LATS2: variants seen among roughly 807,000 people sequenced by gnomAD.
The protein encoded by LATS2 is serine/threonine-protein kinase LATS2.
LATS2 carries 24 observed loss-of-function variants against 76.0 expected under a neutral mutation model. The observed-to-expected ratio is 0.32, with a 90% CI of 0.23 to 0.44. The LOEUF (loss-of-function observed/expected upper bound fraction) is 0.44. LATS2 is among the 20% of genes least tolerant of loss of function. The pLI is 1.00. For synonymous variants in LATS2, 692 were observed against 635.4 expected (o/e 1.09, Z -1.34); for missense variants, 1,286 against 1,481.2 (o/e 0.87, Z 2.16).
intron 2 of LATS2, among the ~76,000 whole-genome samples, chr13:21,023,495 C>CCTCTGTTCTCGAGGCGGGGCCAGGACT (rs1303875118): frequency 1.3e-3 from 197 of 152,010 alleles, no homozygotes; most frequent in African/African-American, 4.4e-3. Context: ...CCGTCCTTGG[C>CCTCTGTTCTCGAGGCGGGGCCAGGACT]CTCTGTTCTC....
chr13:20,974,025 CA>C lies in LATS2; in HGVS notation c.*844del. The C allele has an allele frequency of 4.8e-6, 1 of 207,068 alleles. No homozygotes were observed. The highest frequency in any genetic ancestry group is 9.3e-6 in the Non-Finnish European group (1 of 107,288). The allele number at this position is 207,068 out of a possible 1,614,324, so 12.8% of individuals were successfully genotyped here. ...CAAGACACACACACAAATCACTTCT[CA>C]GTTACACATCTGCATTTCTTTAACA... On this transcript the variant is annotated 3_prime_UTR_variant, in exon 8 of 8. Transcript: ENST00000382592.
chr13:21,036,520 A>G (rs1872687690), intron 2 of LATS2, among the ~76,000 whole-genome samples: 1 of 151,686 alleles, frequency 6.6e-6, no homozygotes. Context: ...CACGCCTGTA[A>G]TCCCAGCACT....
chr13:20,976,792 A>G (rs1869644773), intron 7 of LATS2, among the ~76,000 whole-genome samples: 1 of 152,198 alleles, frequency 6.6e-6, no homozygotes, highest in African/African-American at 2.4e-5. Context: ...AAAAACAGGA[A>G]AATACTTATT....
chr13:21,061,159 G>T (rs1389748238), intron 1 of LATS2, among the ~76,000 whole-genome samples, 187 bp downstream of exon 1: 1 of 151,298 alleles, frequency 6.6e-6, no homozygotes, highest in Non-Finnish European at 1.5e-5. Context: ...GGCTCCGGGC[G>T]GGCGCGGACC....
At chr13:21,037,966 G>A (rs1044971165) in intron 2 of LATS2, among the ~76,000 whole-genome samples, 7 of 152,198 alleles carry the variant, frequency 4.6e-5, no homozygotes, top group African/African-American at 1.4e-4. Context: ...TTTTCAGAAT[G>A]AGGGGGGCTA....
At chr13:20,989,452 G>T in intron 3 of LATS2, 148 bp from the exon 4 acceptor site, 1 of 789,700 alleles carries the variant, frequency 1.3e-6, no homozygotes, top group Non-Finnish European at 2.0e-6. Flanking sequence ...GCCCAGCACA[G>T]GGTCAGTGGA....
At position 20,975,272 on chromosome 13, in the gene LATS2, T is replaced by C; in HGVS notation, c.2865A>G (p.Ala955=). The change falls in exon 8 of 8, where the codon GCA becomes GCG. Residue 955 remains alanine (A), a synonymous_variant. Transcript: ENST00000382592. ...RDLITKLCCS[A]DHRLGRNGAD... The stretch of plus-strand genomic sequence containing the variant: ...CCCCATTCCGCCCCAGGCGGTGGTC[T>C]GCGGAGCAGCACAGCTTGGTGATGA... 1.2e-6 allele frequency: 2 copies of C among 1,614,114 alleles called. No individual in the cohort carries two copies. Among genetic ancestry groups the C allele is most frequent in the Non-Finnish European group, 1.7e-6 (2 of 1,179,984 alleles).
chr13:21,045,084 C>T (rs1680777285), intron 2 of LATS2, among the ~76,000 whole-genome samples: 1 of 124,848 alleles, frequency 8.0e-6, no homozygotes, highest in Non-Finnish European at 1.8e-5. Context: ...ATCCTTTAAT[C>T]CTAAACAACT....
chr13:21,052,955 G>A (rs556050198), intron 1 of LATS2, among the ~76,000 whole-genome samples: 11 of 152,146 alleles, frequency 7.2e-5, no homozygotes, highest in East Asian at 5.8e-4. Context: ...CCGAACGCTG[G>A]GCCGGGCACG....
intron 7 of LATS2, among the ~76,000 whole-genome samples, chr13:20,976,228 C>G (rs1869617891): frequency 6.6e-6 from 1 of 152,176 alleles, no homozygotes; most frequent in Admixed American, 6.6e-5. Context: ...GCCAACATGA[C>G]TGGCTACCAG....
intron 5 of LATS2, 48 bp downstream of exon 5, chr13:20,983,172 GGTTA>G (rs1869974769): frequency 7.9e-7 from 1 of 1,272,680 alleles, no homozygotes; most frequent in Non-Finnish European, 1.1e-6. Flanking sequence ...CTTGCAATGG[GGTTA>G]GTGACATCTA....
chr13:20,996,601 G>T (rs912512867), intron 2 of LATS2, among the ~76,000 whole-genome samples: 4 of 151,984 alleles, frequency 2.6e-5, no homozygotes, highest in Non-Finnish European at 5.9e-5. Flanking sequence ...GGCTGGTCTC[G>T]AACTCCTGAC....
Position 20,991,070 on chromosome 13 carries a change from G to C in LATS2, c.475+202C>G, listed in dbSNP as rs113945268. On this transcript the variant is annotated intron_variant, in intron 3 of 7. Transcript: ENST00000382592. This position sits in a 1 kb window ranked among gnomAD's most constrained non-coding sequence, Gnocchi z 4.9. ...GGGGCAAGCGCCAGGCGTGTCCCAC[G>C]GTCTACCACTTGGGGCTGCTCCCGC... Among the ~76,000 whole-genome samples, 2 of 152,248 alleles carry C rather than the reference G, an allele frequency of 1.3e-5. No individual in the cohort carries two copies. Among genetic ancestry groups the C allele is most frequent in the Non-Finnish European group, 2.9e-5 (2 of 68,038 alleles).
intron 2 of LATS2, among the ~76,000 whole-genome samples, chr13:21,037,571 C>T (rs1595250444): frequency 6.6e-6 from 1 of 152,148 alleles, no homozygotes; most frequent in Non-Finnish European, 1.5e-5. Flanking sequence ...GTCTCACAGG[C>T]CTTAAAATCT....
chr13:21,048,736 C>G (rs1361995961), intron 1 of LATS2, among the ~76,000 whole-genome samples: 1 of 152,032 alleles, frequency 6.6e-6, no homozygotes, highest in Non-Finnish European at 1.5e-5. Flanking sequence ...ACTTGGGAGG[C>G]TGAGGCAGGA....
chr13:21,024,557 C>T (rs1376875974), intron 2 of LATS2, among the ~76,000 whole-genome samples: 3 of 151,928 alleles, frequency 2.0e-5, no homozygotes, highest in Non-Finnish European at 4.4e-5. Context: ...TATGGCCCTG[C>T]GGGAGCTCTT....
intron 2 of LATS2, among the ~76,000 whole-genome samples, chr13:21,044,386 G>C (rs898956870): frequency 6.6e-6 from 1 of 152,158 alleles, no homozygotes; most frequent in Non-Finnish European, 1.5e-5. Context: ...GAAACCAGAA[G>C]TGCTCAGGCC....
At chr13:21,035,717 T>C (rs1329440801) in intron 2 of LATS2, among the ~76,000 whole-genome samples, 2 of 152,232 alleles carry the variant, frequency 1.3e-5, no homozygotes, top group African/African-American at 4.8e-5. Context: ...CTAATATCTG[T>C]ACTGCACACT....
At chr13:21,036,140 C>A (rs970068592) in intron 2 of LATS2, among the ~76,000 whole-genome samples, 2 of 152,054 alleles carry the variant, frequency 1.3e-5, no homozygotes, top group African/African-American at 2.4e-5. Flanking sequence ...GGATGATCCA[C>A]CCCCCTCAGC....
Sources: allele counts gnomAD v4.1 joint callset (sites outside exome capture counted in the v4.1 genomes callset), GRCh38; gene constraint gnomAD v4.1.1; non-coding constraint Gnocchi (gnomAD v3.1); transcripts MANE v1.5; gene names NCBI Gene and HGNC (gene_info 2026-07-23, HGNC 2026-07-21).